NEMP2: variants seen among roughly 807,000 people sequenced by gnomAD.
NEMP2 encodes the protein UPF0571 transmembrane protein.
A neutral mutation model predicts 54.2 loss-of-function variants in NEMP2; 53 were observed. The observed-to-expected ratio is 0.98, with a 90% CI of 0.78 to 1.23. The LOEUF (loss-of-function observed/expected upper bound fraction) is 1.23, where lower values mean the gene tolerates loss of function less well. NEMP2 is among the 50% of genes most tolerant of loss of function. The probability of loss-of-function intolerance (pLI) is 0.00; values close to 1 mark genes in which losing one functional copy is unlikely to be tolerated. For missense variants in NEMP2, 455 were observed against 511.3 expected, an observed-to-expected ratio of 0.89 and a Z score of 1.06; for synonymous variants, 197 against 190.3, an observed-to-expected ratio of 1.04 and a Z score of -0.29.
chr2:190,524,064 AAGTC>A (rs1280686594), intron 2 of NEMP2, among the ~76,000 whole-genome samples: 2 of 151,778 alleles, frequency 1.3e-5, no homozygotes, highest in Non-Finnish European at 2.9e-5. Context: ...AAAAAAAAAA[AAGTC>A]AGATGTGACA....
the NEMP2 span, among the ~76,000 whole-genome samples, chr2:190,581,789 A>C: frequency 6.6e-6 from 1 of 152,158 alleles, no homozygotes; most frequent in Admixed American, 6.6e-5. Flanking sequence ...TTTGCAGTAC[A>C]TGTCTAGTGC....
chr2:190,517,090 CAAAAAAAAAA>C (rs56324449), intron 5 of NEMP2, among the ~76,000 whole-genome samples: 10 of 89,362 alleles, frequency 1.1e-4, no homozygotes, highest in African/African-American at 3.9e-4. Flanking sequence ...GACTGTGTCT[CAAAAAAAAAA>C]AAAAAAAAAA....
Position 190,533,808 on chromosome 2 carries a change from G to A in NEMP2, c.97+751C>T, listed in dbSNP as rs918656560. Among the ~76,000 whole-genome samples, 1 of 151,902 alleles carries A rather than the reference G, an allele frequency of 6.6e-6. No individual in the cohort carries two copies. The highest frequency in any genetic ancestry group is 1.5e-5 in the Non-Finnish European group (1 of 67,994). Reference sequence around the variant, plus strand: ...AAAGAAACAGAAATGTGAAGCTCATGGTAAGTTAGCGGCAGGTCTGGAGTT... The same window carrying A: ...AAAGAAACAGAAATGTGAAGCTCATAGTAAGTTAGCGGCAGGTCTGGAGTT... On this transcript the variant is annotated intron_variant, in intron 1 of 8. Coordinates refer to ENST00000409150, the MANE Select transcript of NEMP2 (RefSeq NM_001142645.2). The surrounding 1 kb of genome is among the most constrained non-coding windows in gnomAD (Gnocchi z 4.3).
chr2:190,644,434 G>A, the NEMP2 span, among the ~76,000 whole-genome samples: 1 of 152,160 alleles, frequency 6.6e-6, no homozygotes, highest in Non-Finnish European at 1.5e-5. The surrounding 1 kb of genome is among the most constrained non-coding windows in gnomAD (Gnocchi z 4.4). Context: ...TCAAAGGTGT[G>A]TCATATATAC....
downstream of NEMP2, among the ~76,000 whole-genome samples, chr2:190,502,698 G>T (rs966678317): frequency 6.6e-6 from 1 of 152,180 alleles, no homozygotes; most frequent in Non-Finnish European, 1.5e-5. The surrounding 1 kb of genome is among the most constrained non-coding windows in gnomAD (Gnocchi z 4.4). Context: ...TACTGCTGAG[G>T]TACTGAGACC....
chr2:190,540,471 G>T, the NEMP2 span, among the ~76,000 whole-genome samples: 2 of 152,026 alleles, frequency 1.3e-5, no homozygotes, highest in African/African-American at 2.4e-5. Flanking sequence ...TTTATGTTTG[G>T]TAGAGATAGG....
the NEMP2 span, among the ~76,000 whole-genome samples, chr2:190,586,347 T>TTATATA: frequency 1.3e-5 from 2 of 152,146 alleles, no homozygotes; most frequent in Non-Finnish European, 2.9e-5. The surrounding 1 kb of genome is among the most constrained non-coding windows in gnomAD (Gnocchi z 4.5). Flanking sequence ...TGTTTTTTGT[T>TTATATA]TATATATAAA....
chr2:190,535,177 A>G (rs1222881203), upstream of NEMP2: 1 of 152,444 alleles, frequency 6.6e-6, no homozygotes, highest in East Asian at 1.9e-4. Context: ...TTTTGTGAAT[A>G]AAATACATAA....
chr2:190,514,486 T>C lies in NEMP2; in HGVS notation c.920A>G (p.His307Arg), dbSNP rs1397578117. The change falls in exon 7 of 9, where the codon CAC becomes CGC. Residue 307 changes from histidine to arginine, a missense_variant. Transcript: ENST00000409150. This position sits in a 1 kb window ranked among gnomAD's most constrained non-coding sequence, Gnocchi z 5.7. ...IILLMSSWSL[H>R]YPLRACSYMR... is the part of the protein sequence containing the mutation. The stretch of plus-strand genomic sequence containing the variant: ...ATAACTGCATGCTCTCAGTGGGTAG[T>C]GCAGACTCCAGGAGGACATGAGGAG... 1.3e-6 allele frequency: 2 copies of C among 1,551,540 alleles called. No individual in the cohort carries two copies. Among genetic ancestry groups the C allele is most frequent in the Non-Finnish European group, 1.7e-6 (2 of 1,147,004 alleles).
At chr2:190,465,477 G>A in the NEMP2 span, among the ~76,000 whole-genome samples, 1 of 151,470 alleles carries the variant, frequency 6.6e-6, no homozygotes, top group Non-Finnish European at 1.5e-5. This position sits in a 1 kb window ranked among gnomAD's most constrained non-coding sequence, Gnocchi z 4.6. Context: ...TAAGATTACT[G>A]ATTATACATC....
chr2:190,445,860 C>A, the NEMP2 span, among the ~76,000 whole-genome samples: 1 of 149,236 alleles, frequency 6.7e-6, no homozygotes, highest in Admixed American at 6.7e-5. Context: ...AAAAGAAGGT[C>A]ATTTTTTTTC....
intron 6 of NEMP2, 75 bp downstream of exon 6, chr2:190,516,195 C>T (rs1690548894): frequency 1.0e-6 from 1 of 967,820 alleles, no homozygotes; most frequent in East Asian, 2.7e-5. Context: ...AGAGAAACAT[C>T]TATCAAAAGA....
chr2:190,424,133 A>G, the NEMP2 span, among the ~76,000 whole-genome samples: 1 of 151,936 alleles, frequency 6.6e-6, no homozygotes. This position sits in a 1 kb window ranked among gnomAD's most constrained non-coding sequence, Gnocchi z 5.9. Flanking sequence ...AAAGTTTTAA[A>G]TTTTAATGAA....
the NEMP2 span, among the ~76,000 whole-genome samples, chr2:190,484,698 A>T: frequency 1.3e-5 from 2 of 152,228 alleles, no homozygotes; most frequent in Non-Finnish European, 2.9e-5. Context: ...TGTCTTTTGT[A>T]TACACAGATG....
At chr2:190,433,994 C>T in the NEMP2 span, among the ~76,000 whole-genome samples, 12 of 151,928 alleles carry the variant, frequency 7.9e-5, no homozygotes, top group East Asian at 1.9e-4. The surrounding 1 kb of genome is among the most constrained non-coding windows in gnomAD (Gnocchi z 4.5). Context: ...AGTTGGAGAA[C>T]GGCCTGGGCA....
chr2:190,568,528 C>T, the NEMP2 span, among the ~76,000 whole-genome samples: 1 of 151,954 alleles, frequency 6.6e-6, no homozygotes, highest in Non-Finnish European at 1.5e-5. The surrounding 1 kb of genome is among the most constrained non-coding windows in gnomAD (Gnocchi z 4.7). Flanking sequence ...TATGTAAAAA[C>T]TGAATAATTA....
Position 190,514,257 on chromosome 2 carries a change from G to C in NEMP2, c.953+196C>G, listed in dbSNP as rs1044365942. 6.6e-6 allele frequency among the ~76,000 whole-genome samples: 1 copy of C among 152,144 alleles called. No individual in the cohort carries two copies. The highest frequency in any genetic ancestry group is 2.4e-5 in the African/African-American group (1 of 41,428). On this transcript the variant is annotated intron_variant, in intron 7 of 8. Coordinates refer to ENST00000409150, the MANE Select transcript of NEMP2 (RefSeq NM_001142645.2). This position sits in a 1 kb window ranked among gnomAD's most constrained non-coding sequence, Gnocchi z 5.7. ...GGTAATTGGTGGTACAGCTCTCAAC[G>C]ATTAATGAAGACTAGCCATGAAGAT... is the stretch of plus-strand genomic sequence containing the variant.
chr2:190,442,113 A>C, the NEMP2 span, among the ~76,000 whole-genome samples: 1 of 152,248 alleles, frequency 6.6e-6, no homozygotes, highest in Non-Finnish European at 1.5e-5. Flanking sequence ...GGGAGGATTA[A>C]TTCTTCTTTA....
chr2:190,430,700 C>G, the NEMP2 span, among the ~76,000 whole-genome samples: 1 of 151,488 alleles, frequency 6.6e-6, no homozygotes, highest in Non-Finnish European at 1.5e-5. Context: ...CATCATGGCC[C>G]GTTCTCAATG....
Sources: gnomAD v4.1 joint callset for allele counts (sites outside exome capture counted in the v4.1 genomes callset) on GRCh38, gnomAD v4.1.1 for gene constraint, Gnocchi (gnomAD v3.1) non-coding constraint, MANE v1.5 for transcripts, NCBI Gene and HGNC (gene_info 2026-07-23, HGNC 2026-07-21) for gene names.